The following INPP5D variants were observed in gnomAD, a reference collection of about 807,000 sequenced individuals.
The protein encoded by INPP5D is phosphatidylinositol 3,4,5-trisphosphate 5-phosphatase 1.
A neutral mutation model predicts 122.9 loss-of-function variants in INPP5D; 33 were observed. The observed-to-expected ratio is 0.27, with a 90% CI of 0.20 to 0.36. The LOEUF is 0.36. INPP5D is among the 10% of genes least tolerant of loss of function. The pLI, the probability that INPP5D is intolerant of heterozygous loss-of-function variation, is 1.00. For missense variants in INPP5D, 1,053 were observed against 1,412.7 expected (o/e 0.75, Z 4.08); for synonymous variants, 584 against 576.2 (o/e 1.01, Z -0.19).
At chr2:233,192,634 TA>T (rs771262641) in intron 22 of INPP5D, among the ~76,000 whole-genome samples, 4 of 152,244 alleles carry the variant, frequency 2.6e-5, no homozygotes, top group Non-Finnish European at 5.9e-5. Context: ...TTCCTCACTT[TA>T]AAAGTACTAT....
intron 5 of INPP5D, among the ~76,000 whole-genome samples, chr2:233,138,920 T>C (rs1158450847): frequency 1.3e-5 from 2 of 151,046 alleles, no homozygotes; most frequent in Non-Finnish European, 2.9e-5. Flanking sequence ...TAATTTTTTT[T>C]TTTTTTGTAT....
At chr2:233,186,648 A>AT (rs1294980834) in intron 21 of INPP5D, among the ~76,000 whole-genome samples, 2 of 122,696 alleles carry the variant, frequency 1.6e-5, no homozygotes, top group East Asian at 2.5e-4. Flanking sequence ...CCAAAAAAAA[A>AT]TTTTTTTTCT....
intron 2 of INPP5D, among the ~76,000 whole-genome samples, chr2:233,088,671 T>A (rs1028552893): frequency 1.3e-5 from 2 of 152,234 alleles, no homozygotes; most frequent in Admixed American, 6.5e-5. Flanking sequence ...CATGGATGAC[T>A]GTTTTAAAAT....
chr2:233,154,922 T>C (rs1161368416), intron 9 of INPP5D, among the ~76,000 whole-genome samples: 2 of 152,232 alleles, frequency 1.3e-5, no homozygotes, highest in Non-Finnish European at 2.9e-5. Flanking sequence ...GATATTTAAC[T>C]TAACCACTCA....
At chr2:233,146,818 A>G (rs997589589) in intron 8 of INPP5D, among the ~76,000 whole-genome samples, 2 of 152,170 alleles carry the variant, frequency 1.3e-5, no homozygotes, top group Admixed American at 6.5e-5. Flanking sequence ...TTCCATGAGA[A>G]TGACTGGATT....
chr2:233,127,265 T>A (rs1693189979), intron 4 of INPP5D, among the ~76,000 whole-genome samples: 1 of 152,202 alleles, frequency 6.6e-6, no homozygotes, highest in African/African-American at 2.4e-5. Flanking sequence ...ATCATGTCAG[T>A]GGAACCTTCC....
intron 20 of INPP5D, among the ~76,000 whole-genome samples, chr2:233,185,511 G>A (rs1192664733): frequency 1.3e-5 from 2 of 151,898 alleles, no homozygotes; most frequent in African/African-American, 4.8e-5. Context: ...GGCGTGGGAC[G>A]AGCTGTCAAG....
At chr2:233,092,573 G>A (rs748052886) in intron 2 of INPP5D, among the ~76,000 whole-genome samples, 10 of 152,264 alleles carry the variant, frequency 6.6e-5, no homozygotes, top group Non-Finnish European at 1.3e-4. Context: ...TTAAATTCTC[G>A]AAGGGGAGGA....
chr2:233,095,710 AT>A (rs34051263), intron 2 of INPP5D, among the ~76,000 whole-genome samples: 105,693 of 149,608 alleles, frequency 0.71, 37,541 homozygotes, highest in Middle Eastern at 0.8. Flanking sequence ...TTTTAAAATA[AT>A]TTTTTTTTTA....
At chr2:233,148,007 T>C (rs1693813836) in intron 9 of INPP5D, among the ~76,000 whole-genome samples, 1 of 152,182 alleles carries the variant, frequency 6.6e-6, no homozygotes, top group East Asian at 1.9e-4. Context: ...TGATAAAAAT[T>C]ATGTGAATAA....
rs189552039 is a variant in INPP5D, at chr2:233,160,678, G to A, written c.1138-1046G>A. ...AGACAGGGTCTTGTTCAGTTGCCCC[G>A]GCTGAAGTGCAGTGGCAAGATCATG... is the stretch of plus-strand genomic sequence containing the variant. On this transcript the variant is annotated intron_variant, in intron 10 of 26. Transcript: ENST00000445964. The surrounding 1 kb of genome is among the most constrained non-coding windows in gnomAD (Gnocchi z 4.2). 1.4e-4 allele frequency among the ~76,000 whole-genome samples: 22 copies of A among 151,882 alleles called. No homozygotes were observed. Among genetic ancestry groups the A allele is most frequent in the South Asian group, 4.2e-4 (2 of 4,794 alleles).
At chr2:233,076,181 A>T (rs568890282) in intron 1 of INPP5D, 20 of 152,182 alleles carry the variant, frequency 1.3e-4, no homozygotes, top group Admixed American at 8.5e-4. Context: ...GGCTGTTCTC[A>T]CCCCTCACCT....
chr2:233,098,645 TG>T (rs1261612588), intron 2 of INPP5D, among the ~76,000 whole-genome samples: 1 of 152,178 alleles, frequency 6.6e-6, no homozygotes, highest in South Asian at 2.1e-4. Flanking sequence ...CCAAACCCTC[TG>T]GGTTACTTCA....
At chr2:233,075,599 A>ATGTGTG (rs150497378) in intron 1 of INPP5D, among the ~76,000 whole-genome samples, 5 of 150,844 alleles carry the variant, frequency 3.3e-5, no homozygotes, top group East Asian at 2.0e-4. Context: ...GCACATGTAT[A>ATGTGTG]TGTGTGTGTG....
intron 2 of INPP5D, among the ~76,000 whole-genome samples, chr2:233,092,721 C>T (rs1449355329): frequency 1.3e-5 from 2 of 152,168 alleles, no homozygotes; most frequent in Admixed American, 6.5e-5. Context: ...AAACATTGAA[C>T]GTGGGAGGTG....
At chr2:233,094,009 G>C (rs981867115) in intron 2 of INPP5D, among the ~76,000 whole-genome samples, 3 of 152,030 alleles carry the variant, frequency 2.0e-5, no homozygotes, top group Non-Finnish European at 4.4e-5. Context: ...CTGCCTGGTA[G>C]AGCCCAAGAG....
At chr2:233,092,996 A>G (rs1692032331) in intron 2 of INPP5D, among the ~76,000 whole-genome samples, 2 of 152,234 alleles carry the variant, frequency 1.3e-5, no homozygotes, top group South Asian at 4.1e-4. Context: ...CTAAGATAAA[A>G]ATGGTTACCC....
At chr2:233,108,130 T>G (rs1424479929) in intron 2 of INPP5D, among the ~76,000 whole-genome samples, 1 of 152,082 alleles carries the variant, frequency 6.6e-6, no homozygotes, top group Non-Finnish European at 1.5e-5. Context: ...CACACCACCC[T>G]ACCCACCCAC....
chr2:233,204,828 ATG>A (rs1559352023), intron 26 of INPP5D, 111 bp downstream of exon 26: 2 of 1,379,378 alleles, frequency 1.4e-6, no homozygotes, highest in East Asian at 5.2e-5. Context: ...ACGCATGCAT[ATG>A]TGCGTGCATG....
Sources: allele counts gnomAD v4.1 joint callset (sites outside exome capture counted in the v4.1 genomes callset), GRCh38; gene constraint gnomAD v4.1.1; non-coding constraint Gnocchi (gnomAD v3.1); transcripts MANE v1.5; gene names NCBI Gene and HGNC (gene_info 2026-07-23, HGNC 2026-07-21).